Variants in CSMD1 observed in about 807,000 individuals in gnomAD.
CSMD1 encodes CUB and sushi domain-containing protein 1.
CSMD1 carries 213 observed loss-of-function variants against 417.5 expected under a neutral mutation model. That is an observed-to-expected ratio of 0.51 (90% confidence interval 0.46 to 0.57). CSMD1 has a LOEUF of 0.57. Among genes scored for constraint, CSMD1 ranks in the 20% least tolerant of loss-of-function variants. CSMD1 has a pLI of 0.00. For synonymous variants in CSMD1, 2,862 were observed against 1,736.8 expected, an observed-to-expected ratio of 1.65 and a Z score of -16.11; for missense variants, 6,923 against 4,529.7, an observed-to-expected ratio of 1.53 and a Z score of -15.17.
intron 1 of CSMD1, among the ~76,000 whole-genome samples, chr8:4,734,784 T>G (rs1468990499): frequency 2.0e-5 from 3 of 152,200 alleles, no homozygotes; most frequent in Non-Finnish European, 4.4e-5. Context: ...CCATCTTTAC[T>G]CTCATTTTTA....
chr8:4,112,413 T>C (rs1421415401), intron 3 of CSMD1, among the ~76,000 whole-genome samples: 2 of 152,150 alleles, frequency 1.3e-5, no homozygotes, highest in Admixed American at 1.3e-4. Context: ...AGCTTGCCAG[T>C]AAATATTTAA....
intron 5 of CSMD1, among the ~76,000 whole-genome samples, chr8:3,766,377 G>A (rs777906211): frequency 2.1e-4 from 32 of 152,246 alleles, no homozygotes; most frequent in Admixed American, 3.9e-4. Flanking sequence ...CCTGGAAAAC[G>A]AAACCTCCAA....
At chr8:4,099,771 G>C (rs945398135) in intron 3 of CSMD1, among the ~76,000 whole-genome samples, 1 of 152,068 alleles carries the variant, frequency 6.6e-6, no homozygotes, top group African/African-American at 2.4e-5. Flanking sequence ...TAATCTCCCA[G>C]CCACTTCCCT....
intron 3 of CSMD1, among the ~76,000 whole-genome samples, chr8:4,184,192 T>G (rs567066648): frequency 5.4e-4 from 83 of 152,334 alleles, no homozygotes; most frequent in African/African-American, 1.4e-3. Context: ...ATTAAATCTG[T>G]GTCAGTCTGA....
intron 2 of CSMD1, among the ~76,000 whole-genome samples, chr8:4,447,373 C>T (rs1275921994): frequency 6.6e-6 from 1 of 152,152 alleles, no homozygotes; most frequent in Non-Finnish European, 1.5e-5. Flanking sequence ...AAATAGAAAT[C>T]CCTTTCAGCT....
intron 3 of CSMD1, among the ~76,000 whole-genome samples, chr8:4,170,377 T>G (rs1006013296): frequency 1.3e-5 from 2 of 151,926 alleles, no homozygotes; most frequent in Non-Finnish European, 2.9e-5. Context: ...TATGAAAAAT[T>G]GAATTCAAGA....
intron 10 of CSMD1, among the ~76,000 whole-genome samples, chr8:3,536,686 G>A (rs995261162): frequency 6.6e-6 from 1 of 152,152 alleles, no homozygotes; most frequent in Non-Finnish European, 1.5e-5. Flanking sequence ...CAGAGCAATA[G>A]GATCTGTGCC....
intron 1 of CSMD1, among the ~76,000 whole-genome samples, chr8:4,646,313 T>G (rs1362309360): frequency 6.6e-6 from 1 of 152,212 alleles, no homozygotes; most frequent in African/African-American, 2.4e-5. Flanking sequence ...TGATGACACT[T>G]CATCTTGGGT....
chr8:3,268,195 G>A (rs2117132026), intron 26 of CSMD1, among the ~76,000 whole-genome samples: 2 of 150,834 alleles, frequency 1.3e-5, no homozygotes, highest in Non-Finnish European at 2.9e-5. Context: ...TGGTAAGTTT[G>A]TTGCTTCAGA....
intron 3 of CSMD1, among the ~76,000 whole-genome samples, chr8:4,081,699 T>C (rs186355550): frequency 6.6e-6 from 1 of 152,184 alleles, no homozygotes; most frequent in Non-Finnish European, 1.5e-5. Context: ...AACATTTAAA[T>C]TCTAAAAAGT....
chr8:3,210,546 C>T (rs2161750), intron 30 of CSMD1, among the ~76,000 whole-genome samples: 2 of 144,872 alleles, frequency 1.4e-5, no homozygotes, highest in South Asian at 2.1e-4. Flanking sequence ...TACATATATA[C>T]GTGTGTATAT....
chr8:4,753,450 C>G (rs547036858), intron 1 of CSMD1, among the ~76,000 whole-genome samples: 1 of 148,844 alleles, frequency 6.7e-6, no homozygotes, highest in South Asian at 2.1e-4. Flanking sequence ...CACACACATG[C>G]GCACACACTC....
chr8:3,277,844 T>C (rs527505963), intron 26 of CSMD1, among the ~76,000 whole-genome samples: 15 of 152,280 alleles, frequency 9.9e-5, no homozygotes, highest in African/African-American at 3.6e-4. Flanking sequence ...TGTCCAAGGG[T>C]TACATTAAAC....
intron 9 of CSMD1, among the ~76,000 whole-genome samples, chr8:3,582,552 A>T (rs1010201203): frequency 1.3e-4 from 20 of 152,318 alleles, no homozygotes; most frequent in African/African-American, 4.8e-4. Flanking sequence ...GAAGAAAATC[A>T]TAACTGTAAA....
intron 3 of CSMD1, among the ~76,000 whole-genome samples, chr8:4,395,699 T>A (rs901423661): frequency 6.6e-6 from 1 of 152,112 alleles, no homozygotes; most frequent in African/African-American, 2.4e-5. Flanking sequence ...CAAACATGTA[T>A]GATGAAGAGT....
At chr8:4,688,735 T>G (rs1018221431) in intron 1 of CSMD1, among the ~76,000 whole-genome samples, 12 of 152,168 alleles carry the variant, frequency 7.9e-5, no homozygotes, top group Non-Finnish European at 1.6e-4. Flanking sequence ...CATTACCTCA[T>G]GCAGTGAGTC....
At chr8:4,578,469 T>C (rs1345244455) in intron 2 of CSMD1, among the ~76,000 whole-genome samples, 1 of 149,426 alleles carries the variant, frequency 6.7e-6, no homozygotes. Flanking sequence ...GTGAATTAAA[T>C]AAACATAAAT....
intron 26 of CSMD1, among the ~76,000 whole-genome samples, chr8:3,252,786 C>T (rs1056637189): frequency 6.6e-6 from 1 of 152,128 alleles, no homozygotes; most frequent in Non-Finnish European, 1.5e-5. Context: ...CTCGTTTAGT[C>T]TTGGGAGGGT....
intron 48 of CSMD1, among the ~76,000 whole-genome samples, chr8:3,088,842 G>GC (rs1491297749): frequency 2.8e-5 from 1 of 36,258 alleles, no homozygotes; most frequent in African/African-American, 1.4e-4. Flanking sequence ...CACTGTGCTA[G>GC]TAAAAAAAAA....
Sources: gnomAD v4.1 joint callset for allele counts (sites outside exome capture counted in the v4.1 genomes callset) on GRCh38, gnomAD v4.1.1 for gene constraint, MANE v1.5 for transcripts, NCBI Gene and HGNC (gene_info 2026-07-23, HGNC 2026-07-21) for gene names.